The following CDH4 variants were observed in gnomAD, a reference collection of about 807,000 sequenced individuals.
The protein encoded by CDH4 is cadherin 4, also known as cadherin-4.
Under a neutral mutation model 86.0 loss-of-function variants are expected in CDH4, and 33 were observed. That is an observed-to-expected ratio of 0.38 (90% CI 0.29 to 0.51). CDH4 has a LOEUF of 0.51. Ranked by LOEUF, CDH4 falls within the 20% of genes least tolerant of loss-of-function variation. The pLI, the probability that CDH4 is intolerant of heterozygous loss-of-function variation, is 0.86. For missense variants in CDH4, 1,114 were observed against 1,307.4 expected (o/e 0.85, Z 2.28); for synonymous variants, 555 against 549.4 (o/e 1.01, Z -0.14).
chr20:61,431,339 T>C (rs2085245190), intron 2 of CDH4, among the ~76,000 whole-genome samples: 1 of 151,516 alleles, frequency 6.6e-6, no homozygotes, highest in Non-Finnish European at 1.5e-5. Context: ...TTGGCCAAAA[T>C]TACTCTCTTT....
chr20:61,431,300 T>A (rs751331526), intron 2 of CDH4, among the ~76,000 whole-genome samples: 4 of 152,106 alleles, frequency 2.6e-5, no homozygotes, highest in South Asian at 2.1e-4. Flanking sequence ...TCTTGGCTAC[T>A]GAAGTTCCAG....
intron 2 of CDH4, among the ~76,000 whole-genome samples, chr20:61,523,001 C>T (rs2085883762): frequency 1.3e-5 from 2 of 152,210 alleles, no homozygotes; most frequent in Admixed American, 6.5e-5. Flanking sequence ...TTGGTAGCTC[C>T]ATCAGCCACC....
intron 2 of CDH4, among the ~76,000 whole-genome samples, chr20:61,430,624 G>C (rs1239130221): frequency 6.6e-6 from 1 of 152,132 alleles, no homozygotes; most frequent in African/African-American, 2.4e-5. Context: ...GATTAGAGGA[G>C]GTAAAGGAAG....
At chr20:61,926,992 C>T (rs111614459) in intron 11 of CDH4, among the ~76,000 whole-genome samples, 6 of 152,252 alleles carry the variant, frequency 3.9e-5, no homozygotes, top group African/African-American at 1.4e-4. Flanking sequence ...GCAGGAGCCC[C>T]CCGGTTAACA....
intron 3 of CDH4, among the ~76,000 whole-genome samples, chr20:61,760,712 G>A (rs1179176859): frequency 6.6e-6 from 1 of 152,224 alleles, no homozygotes; most frequent in African/African-American, 2.4e-5. Flanking sequence ...ACTGTGTTCA[G>A]GAAACCTTTC....
chr20:61,935,210 A>T (rs547068222), intron 15 of CDH4, among the ~76,000 whole-genome samples: 13 of 152,358 alleles, frequency 8.5e-5, no homozygotes, highest in African/African-American at 3.1e-4. Context: ...AGGTTTAGCA[A>T]CACTTAGACC....
intron 4 of CDH4, among the ~76,000 whole-genome samples, chr20:61,775,906 G>A (rs1054791887): frequency 2.6e-5 from 4 of 152,204 alleles, no homozygotes; most frequent in African/African-American, 9.7e-5. Flanking sequence ...GCTTGTAAAA[G>A]GGAACATGAA....
At chr20:61,867,609 G>T (rs1235413901) in intron 6 of CDH4, among the ~76,000 whole-genome samples, 4 of 151,768 alleles carry the variant, frequency 2.6e-5, no homozygotes, top group African/African-American at 9.7e-5. Context: ...TAAAGTGGGG[G>T]ATTCCTGGGT....
chr20:61,730,750 A>G (rs1194134132), intron 2 of CDH4, among the ~76,000 whole-genome samples: 3 of 152,190 alleles, frequency 2.0e-5, no homozygotes, highest in African/African-American at 4.8e-5. Flanking sequence ...ACTCGACTGC[A>G]TCCCTGTGAC....
intron 2 of CDH4, among the ~76,000 whole-genome samples, chr20:61,552,221 G>A (rs1397181471): frequency 1.3e-5 from 2 of 152,158 alleles, no homozygotes; most frequent in African/African-American, 4.8e-5. Flanking sequence ...TTTGTTAATT[G>A]TATATATAAG....
rs1183375252 is a variant in CDH4, at chr20:61,382,370, G to C, written c.169+127433G>C. ...GCAGAGCGAGAGAGCCTTATGCCAA[G>C]AGGAAAGGTGGGTGAAACACACATG... is the stretch of plus-strand genomic sequence containing the variant. On this transcript the variant is annotated intron_variant, in intron 2 of 15. Transcript: ENST00000614565. 2.0e-5 allele frequency among the ~76,000 whole-genome samples: 3 copies of C among 152,284 alleles called. No individual in the cohort carries two copies. The East Asian group carries it at 5.8e-4, about 30-fold the overall frequency.
chr20:61,894,849 C>T, intron 7 of CDH4, 61 bp from the exon 8 acceptor site: 1 of 1,541,334 alleles, frequency 6.5e-7, no homozygotes, highest in South Asian at 1.2e-5. Context: ...TTGATAAGTG[C>T]CCTGTCAATT....
chr20:61,407,113 A>C (rs1442067630), intron 2 of CDH4, among the ~76,000 whole-genome samples: 6 of 152,226 alleles, frequency 3.9e-5, no homozygotes, highest in Non-Finnish European at 1.5e-5. Flanking sequence ...GTCCCCACCA[A>C]GCAAAGATGT....
chr20:61,503,892 T>C (rs2085721747), intron 2 of CDH4, among the ~76,000 whole-genome samples: 1 of 152,158 alleles, frequency 6.6e-6, no homozygotes, highest in Admixed American at 6.5e-5. Flanking sequence ...GTGAAGGTGT[T>C]TTTGCTGTCT....
chr20:61,254,314 ATCT>A (rs1470935389), intron 1 of CDH4, among the ~76,000 whole-genome samples: 1 of 152,162 alleles, frequency 6.6e-6, no homozygotes, highest in Admixed American at 6.5e-5. Context: ...GTCCTAGAGA[ATCT>A]TCTTCCTTTC....
At chr20:61,819,330 T>TGTTG (rs1207147592) in intron 4 of CDH4, among the ~76,000 whole-genome samples, 1 of 152,242 alleles carries the variant, frequency 6.6e-6, no homozygotes, top group Non-Finnish European at 1.5e-5. Context: ...AGCACATGGA[T>TGTTG]GTTGGCACAT....
chr20:61,337,301 ATAATGATGG>A (rs2084623517), intron 2 of CDH4, among the ~76,000 whole-genome samples: 2 of 151,324 alleles, frequency 1.3e-5, no homozygotes, highest in Non-Finnish European at 3.0e-5. Context: ...AATGGTGATG[ATAATGATGG>A]TGATAATAAT....
chr20:61,322,908 C>CAT, intron 2 of CDH4, among the ~76,000 whole-genome samples: 1 of 152,260 alleles, frequency 6.6e-6, no homozygotes, highest in East Asian at 1.9e-4. Context: ...TCCCTGGTGT[C>CAT]CCCTTTTATG....
At chr20:61,912,962 G>A (rs960974968) in intron 9 of CDH4, among the ~76,000 whole-genome samples, 7 of 152,220 alleles carry the variant, frequency 4.6e-5, no homozygotes, top group African/African-American at 1.7e-4. Context: ...GATGGAGACT[G>A]GATGTGACAT....
Sources: gnomAD v4.1 joint callset for allele counts (sites outside exome capture counted in the v4.1 genomes callset) on GRCh38, gnomAD v4.1.1 for gene constraint, MANE v1.5 for transcripts, NCBI Gene and HGNC (gene_info 2026-07-23, HGNC 2026-07-21) for gene names.